The following FBXL7 variants were observed in gnomAD, a reference collection of about 807,000 sequenced individuals.
FBXL7 encodes the protein F-box/LRR-repeat protein 7.
Under a neutral mutation model 38.3 loss-of-function variants are expected in FBXL7, and 12 were observed. That is an observed-to-expected ratio of 0.31 (90% CI 0.20 to 0.51). The LOEUF is 0.51. Among genes scored for constraint, FBXL7 ranks in the 20% least tolerant of loss-of-function variants. The pLI is 0.98. For missense variants in FBXL7, 567 were observed against 676.4 expected, an observed-to-expected ratio of 0.84 and a Z score of 1.79; for synonymous variants, 297 against 300.9, an observed-to-expected ratio of 0.99 and a Z score of 0.13.
At chr5:15,633,420 T>C (rs1741064187) in intron 2 of FBXL7, among the ~76,000 whole-genome samples, 1 of 152,192 alleles carries the variant, frequency 6.6e-6, no homozygotes, top group Non-Finnish European at 1.5e-5. Flanking sequence ...AGATATTCAA[T>C]ACCGACCTGT....
intron 2 of FBXL7, among the ~76,000 whole-genome samples, chr5:15,634,463 A>G (rs1741112229): frequency 6.6e-6 from 1 of 151,404 alleles, no homozygotes; most frequent in African/African-American, 2.4e-5. Flanking sequence ...CTGGGATTAC[A>G]GGTGCCCACC....
intron 2 of FBXL7, among the ~76,000 whole-genome samples, chr5:15,662,269 T>G (rs776502060): frequency 6.6e-6 from 1 of 152,208 alleles, no homozygotes; most frequent in African/African-American, 2.4e-5. Context: ...TTTTTGTCTA[T>G]GTGTTTATCA....
At chr5:15,673,002 G>A (rs1386603985) in intron 2 of FBXL7, among the ~76,000 whole-genome samples, 1 of 152,028 alleles carries the variant, frequency 6.6e-6, no homozygotes, top group Non-Finnish European at 1.5e-5. Context: ...TGTTCTGAAC[G>A]GTATTCCGTG....
intron 2 of FBXL7, among the ~76,000 whole-genome samples, chr5:15,742,562 AGGTG>A (rs2126676528): frequency 6.6e-6 from 1 of 152,322 alleles, no homozygotes; most frequent in Admixed American, 6.5e-5. Context: ...GAATTGCTGT[AGGTG>A]ACCTATGCTG....
chr5:15,650,867 G>A (rs994130493), intron 2 of FBXL7, among the ~76,000 whole-genome samples: 1 of 152,054 alleles, frequency 6.6e-6, no homozygotes, highest in Non-Finnish European at 1.5e-5. Flanking sequence ...CACCACATCT[G>A]CAGCAACTTT....
intron 2 of FBXL7, among the ~76,000 whole-genome samples, chr5:15,623,680 A>G (rs1397659138): frequency 6.6e-6 from 1 of 152,224 alleles, no homozygotes; most frequent in Admixed American, 6.5e-5. Flanking sequence ...CTAGGGAAGG[A>G]AAAATGATGC....
chr5:15,727,151 A>G (rs899724083), intron 2 of FBXL7, among the ~76,000 whole-genome samples: 1 of 152,204 alleles, frequency 6.6e-6, no homozygotes, highest in African/African-American at 2.4e-5. Flanking sequence ...TGATGTCACA[A>G]AATTACCTCT....
At chr5:15,929,805 C>G (rs6886664) in intron 3 of FBXL7, among the ~76,000 whole-genome samples, 60,297 of 151,776 alleles carry the variant, frequency 0.4, 13,512 homozygotes, top group African/African-American at 0.62. Context: ...GATGAACATT[C>G]GAGAGGCTGA....
chr5:15,688,153 T>C (rs1288157390), intron 2 of FBXL7, among the ~76,000 whole-genome samples: 1 of 152,250 alleles, frequency 6.6e-6, no homozygotes, highest in Non-Finnish European at 1.5e-5. Flanking sequence ...ATTATATGAT[T>C]TCTTTTGAAA....
rs958055536 is a variant in FBXL7 at position 15,584,217 on chromosome 5, G to A, written c.38-31766G>A. 4.6e-5 allele frequency among the ~76,000 whole-genome samples: 7 copies of A among 152,138 alleles called. No homozygotes were observed. The East Asian group carries it at 5.8e-4, about 13-fold the overall frequency. Reference sequence around the variant, plus strand: ...CCAGGCCTGTGATGGGAGGGACTGCGGTGAAAGTCCTTGACCTGCTCTGGA... The same window carrying A: ...CCAGGCCTGTGATGGGAGGGACTGCAGTGAAAGTCCTTGACCTGCTCTGGA... On this transcript the variant is annotated intron_variant, in intron 1 of 3. Transcript: ENST00000504595.
chr5:15,823,132 T>C (rs557898192), intron 2 of FBXL7, among the ~76,000 whole-genome samples: 2 of 152,372 alleles, frequency 1.3e-5, no homozygotes, highest in African/African-American at 4.8e-5. Flanking sequence ...GAGGAATGCC[T>C]GTTGCCGTAT....
chr5:15,833,573 A>G (rs1354621719), intron 2 of FBXL7, among the ~76,000 whole-genome samples: 1 of 152,188 alleles, frequency 6.6e-6, no homozygotes, highest in African/African-American at 2.4e-5. Flanking sequence ...TTCAGCAAAC[A>G]TGGAACAAGA....
chr5:15,716,153 G>A (rs1028528270), intron 2 of FBXL7, among the ~76,000 whole-genome samples: 1 of 152,186 alleles, frequency 6.6e-6, no homozygotes. Context: ...TTTGTGTACA[G>A]CTTTCAGGAT....
At position 15,827,038 on chromosome 5, in the gene FBXL7, C is replaced by T. The variant is rs149204843; in HGVS notation, c.128-100852C>T. 9.9e-5 allele frequency among the ~76,000 whole-genome samples: 15 copies of T among 152,176 alleles called. 1 individual carries two copies. In the South Asian group the frequency reaches 2.9e-3, roughly 29 times the overall value. ...TTTCTTCACCTACAATCACCTTCCGCACTTCCTGCCCCATGAACACTTTTT... is the reference window on the plus strand; with the variant it reads ...TTTCTTCACCTACAATCACCTTCCGTACTTCCTGCCCCATGAACACTTTTT... On this transcript the variant is annotated intron_variant, in intron 2 of 3. Transcript: ENST00000504595.
chr5:15,556,509 C>G (rs1211608322), intron 1 of FBXL7, among the ~76,000 whole-genome samples: 1 of 152,294 alleles, frequency 6.6e-6, no homozygotes, highest in Non-Finnish European at 1.5e-5. Context: ...TACCAGTTAT[C>G]TGGGCGTCCC....
intron 1 of FBXL7, among the ~76,000 whole-genome samples, chr5:15,522,758 T>C (rs1157089023): frequency 6.6e-6 from 1 of 152,234 alleles, no homozygotes; most frequent in Non-Finnish European, 1.5e-5. Context: ...AGCTTTAAAA[T>C]GCCAGTGCAA....
chr5:15,579,773 C>T (rs556447447), intron 1 of FBXL7, among the ~76,000 whole-genome samples: 1 of 152,242 alleles, frequency 6.6e-6, no homozygotes, highest in South Asian at 2.1e-4. Flanking sequence ...CCAGCTTTCC[C>T]TCTCTTTTGT....
intron 2 of FBXL7, among the ~76,000 whole-genome samples, chr5:15,804,296 C>G (rs972715473): frequency 6.6e-6 from 1 of 151,884 alleles, no homozygotes; most frequent in African/African-American, 2.4e-5. Flanking sequence ...AGAGAGACCC[C>G]ATCTTTACAA....
At chr5:15,564,971 CT>C (rs1374193359) in intron 1 of FBXL7, among the ~76,000 whole-genome samples, 2 of 151,802 alleles carry the variant, frequency 1.3e-5, no homozygotes, top group Non-Finnish European at 2.9e-5. Context: ...GTATTTGTGT[CT>C]TTTTTTAATA....
Sources: allele counts gnomAD v4.1 joint callset (sites outside exome capture counted in the v4.1 genomes callset), GRCh38; gene constraint gnomAD v4.1.1; transcripts MANE v1.5; gene names NCBI Gene and HGNC (gene_info 2026-07-23, HGNC 2026-07-21).